The following MARCHF5 variants were observed in gnomAD, a reference collection of about 807,000 sequenced individuals.
MARCHF5 encodes E3 ubiquitin-protein ligase MARCHF5.
A neutral mutation model predicts 36.5 loss-of-function variants in MARCHF5; 5 were observed. That is an observed-to-expected ratio of 0.14 (90% CI 0.07 to 0.29). The LOEUF is 0.29. MARCHF5 is among the 10% of genes least tolerant of loss of function. The pLI is 1.00. For missense variants in MARCHF5, 179 were observed against 336.3 expected, an observed-to-expected ratio of 0.53 and a Z score of 3.66; for synonymous variants, 103 against 109.9, an observed-to-expected ratio of 0.94 and a Z score of 0.39.
chr10:92,345,697 C>T (rs139595144), intron 3 of MARCHF5, among the ~76,000 whole-genome samples: 609 of 123,334 alleles, frequency 4.9e-3, no homozygotes, highest in South Asian at 7.1e-3. Flanking sequence ...TTTTTTTTTT[C>T]TTTTTTTTTT....
chr10:92,326,506 A>G (rs1416813899), intron 2 of MARCHF5, among the ~76,000 whole-genome samples: 1 of 152,224 alleles, frequency 6.6e-6, no homozygotes, highest in East Asian at 1.9e-4. Context: ...AGTAGTTTCT[A>G]GTACCATAAG....
At chr10:92,341,781 T>A (rs1843581682) in intron 3 of MARCHF5, among the ~76,000 whole-genome samples, 1 of 67,390 alleles carries the variant, frequency 1.5e-5, no homozygotes, top group African/African-American at 3.8e-5. Context: ...GTTTACATCC[T>A]TTTTTTTTTT....
intron 1 of MARCHF5, among the ~76,000 whole-genome samples, chr10:92,299,261 A>G (rs979575737): frequency 7.9e-5 from 12 of 152,212 alleles, no homozygotes; most frequent in African/African-American, 2.9e-4. Flanking sequence ...CGAAGGCACA[A>G]TTATAATCAT....
Position 92,352,585 on chromosome 10 carries a change from T to C in MARCHF5, c.*1378T>C, listed in dbSNP as rs1263466971. ...TTATTTTCTTGTTCACAGTAATGCATGTCAATAATAAATGTTTCCCCTTAC... is the reference window on the plus strand; with the variant it reads ...TTATTTTCTTGTTCACAGTAATGCACGTCAATAATAAATGTTTCCCCTTAC... On this transcript the variant is annotated 3_prime_UTR_variant, in exon 6 of 6. Transcript: ENST00000358935. 1 of 152,228 alleles carries C rather than the reference T, an allele frequency of 6.6e-6. No homozygotes were observed. The highest frequency in any genetic ancestry group is 1.5e-5 in the Non-Finnish European group (1 of 68,032). The allele number at this position is 152,228 out of a possible 1,614,324, so 9.4% of individuals were successfully genotyped here.
At chr10:92,334,179 G>A (rs568422868) in intron 2 of MARCHF5, among the ~76,000 whole-genome samples, 2 of 152,358 alleles carry the variant, frequency 1.3e-5, no homozygotes, top group East Asian at 1.9e-4. Context: ...TATAGAGCGA[G>A]ACTCTGTCTC....
intron 1 of MARCHF5, among the ~76,000 whole-genome samples, chr10:92,304,964 A>G (rs1234116965): frequency 1.3e-5 from 2 of 152,336 alleles, no homozygotes; most frequent in East Asian, 3.9e-4. Context: ...CTGAATTCGC[A>G]TTATCTTTTT....
At chr10:92,331,880 CAT>C (rs1265954493) in intron 2 of MARCHF5, among the ~76,000 whole-genome samples, 1 of 36,170 alleles carries the variant, frequency 2.8e-5, no homozygotes, top group African/African-American at 7.8e-5. Flanking sequence ...TATATATAAT[CAT>C]ATATATGTAT....
chr10:92,315,540 C>A (rs1336692794), intron 2 of MARCHF5, among the ~76,000 whole-genome samples: 1 of 152,210 alleles, frequency 6.6e-6, no homozygotes, highest in African/African-American at 2.4e-5. Context: ...TCAGTGGCTT[C>A]TTGTCCCTAT....
intron 2 of MARCHF5, among the ~76,000 whole-genome samples, chr10:92,327,831 G>A (rs11186922): frequency 0.022 from 3,370 of 151,876 alleles, 45 homozygotes; most frequent in Middle Eastern, 0.082. Flanking sequence ...TAAACAGGGC[G>A]AAGTCAACAA....
intron 1 of MARCHF5, among the ~76,000 whole-genome samples, chr10:92,306,037 G>A (rs949187506): frequency 1.3e-5 from 2 of 152,184 alleles, no homozygotes; most frequent in African/African-American, 2.4e-5. Context: ...GATGCAATGC[G>A]AATTGGTTAA....
intron 1 of MARCHF5, among the ~76,000 whole-genome samples, chr10:92,300,956 A>C (rs1843004971): frequency 6.8e-6 from 1 of 146,642 alleles, no homozygotes; most frequent in Non-Finnish European, 1.5e-5. Context: ...GCAGTAGTGC[A>C]ACCTTGGCTC....
chr10:92,322,883 G>A (rs61875239), intron 2 of MARCHF5, among the ~76,000 whole-genome samples: 2,072 of 151,772 alleles, frequency 0.014, 41 homozygotes, highest in Non-Finnish European at 0.014. Context: ...GACTATAGGC[G>A]TGCACCACCA....
At position 92,291,402 on chromosome 10, in the gene MARCHF5, C is replaced by T. The variant is rs894860150; in HGVS notation, c.-93C>T. 30 of 1,161,450 alleles carry T rather than the reference C, an allele frequency of 2.6e-5. No homozygotes were observed. The highest frequency in any genetic ancestry group is 6.0e-5 in the Admixed American group (3 of 50,014). 71.9% of individuals were successfully genotyped at this position (1,161,450 alleles called of 1,614,324 possible). On this transcript the variant is annotated 5_prime_UTR_variant, in exon 1 of 6. Coordinates refer to ENST00000358935, the MANE Select transcript of MARCHF5 (RefSeq NM_017824.5). ...CGGGTTCGCGGCTGCCGCCGGACTG[C>T]GGCCTACTCCGCCGCCTCTCAGTGC...
rs1842855236 is a variant in MARCHF5, at chr10:92,291,293, C to G, written c.-202C>G. 1 of 566,116 alleles carries G rather than the reference C, an allele frequency of 1.8e-6. No homozygotes were observed. The highest frequency in any genetic ancestry group is 3.6e-5 in the Admixed American group (1 of 28,146). 35.1% of individuals were successfully genotyped at this position (566,116 alleles called of 1,614,324 possible). On this transcript the variant is annotated 5_prime_UTR_variant, in exon 1 of 6. Transcript: ENST00000358935. ...CTCCCCGCCTCAGGCTCCTCCTCCT[C>G]GCTCTCCGCCGCCTCCGCCGGACTC...
At chr10:92,315,329 T>C (rs1322266399) in intron 2 of MARCHF5, among the ~76,000 whole-genome samples, 2 of 152,252 alleles carry the variant, frequency 1.3e-5, no homozygotes, top group Admixed American at 1.3e-4. Flanking sequence ...TGTCCGATAG[T>C]GTCATCTGAT....
At chr10:92,311,537 C>T (rs1843144808) in intron 2 of MARCHF5, among the ~76,000 whole-genome samples, 200 bp downstream of exon 2, 1 of 151,848 alleles carries the variant, frequency 6.6e-6, no homozygotes, top group African/African-American at 2.4e-5. Context: ...CCAAATTTAT[C>T]CATTTGCCTG....
At chr10:92,317,391 G>A (rs899726341) in intron 2 of MARCHF5, among the ~76,000 whole-genome samples, 3 of 151,992 alleles carry the variant, frequency 2.0e-5, no homozygotes, top group Non-Finnish European at 4.4e-5. Flanking sequence ...GAGCCACCAC[G>A]CCCAGGCAAG....
intron 2 of MARCHF5, among the ~76,000 whole-genome samples, chr10:92,335,369 A>C (rs1299447628): frequency 1.3e-5 from 2 of 152,200 alleles, no homozygotes; most frequent in East Asian, 3.8e-4. Context: ...GATTGTTCTT[A>C]CTCACCAAAT....
At chr10:92,294,392 A>G (rs998379702) in intron 1 of MARCHF5, among the ~76,000 whole-genome samples, 1 of 152,228 alleles carries the variant, frequency 6.6e-6, no homozygotes, top group Non-Finnish European at 1.5e-5. Flanking sequence ...AATAGAAGGC[A>G]CTTAAGACTA....
Sources: gnomAD v4.1 joint callset for allele counts (sites outside exome capture counted in the v4.1 genomes callset) on GRCh38, gnomAD v4.1.1 for gene constraint, MANE v1.5 for transcripts, NCBI Gene and HGNC (gene_info 2026-07-23, HGNC 2026-07-21) for gene names.